GPM6A: variants seen among roughly 807,000 people sequenced by gnomAD.
The protein encoded by GPM6A is glycoprotein M6A.
A neutral mutation model predicts 32.1 loss-of-function variants in GPM6A; 7 were observed. The observed-to-expected ratio is 0.22, with a 90% confidence interval of 0.12 to 0.41. GPM6A has a LOEUF of 0.41. GPM6A is among the 10% of genes least tolerant of loss of function. The pLI is 1.00. For synonymous variants in GPM6A, 130 were observed against 123.4 expected (o/e 1.05, Z -0.35); for missense variants, 235 against 347.2 (o/e 0.68, Z 2.57).
In GPM6A at chr4:175,679,548, C is replaced by A. The variant is rs540802463; in HGVS notation, c.231-5712G>T. 4.6e-5 allele frequency among the ~76,000 whole-genome samples: 7 copies of A among 152,206 alleles called. No individual in the cohort carries two copies. In the East Asian group the frequency reaches 1.4e-3, roughly 29 times the overall value. On this transcript the variant is annotated intron_variant, in intron 2 of 6. Transcript: ENST00000393658. ...AAAACTTCTCCCCAATGTTAGCACC[C>A]CATCCAATGATGAGTATTGCCAGAC...
rs553174387 is a variant in GPM6A, at chr4:175,696,459, T to A, written c.230+5116A>T. ...ATTTCATATTGGTGTTTTGAGGTTT[T>A]TAAAAACACCCATTTGAGGAGTACT... On this transcript the variant is annotated intron_variant, in intron 2 of 6. Coordinates refer to ENST00000393658, the MANE Select transcript of GPM6A (RefSeq NM_201591.3). Among the ~76,000 whole-genome samples the A allele has an allele frequency of 3.9e-5, 6 of 152,304 alleles. No homozygotes were observed. The East Asian group carries it at 1.2e-3, about 29-fold the overall frequency.
intron 1 of GPM6A, among the ~76,000 whole-genome samples, chr4:175,992,062 A>ACGCACACG (rs533413071): frequency 7.0e-6 from 1 of 142,176 alleles, no homozygotes; most frequent in East Asian, 2.1e-4. Flanking sequence ...ACACACATGC[A>ACGCACACG]CACACACACA....
chr4:175,923,238 TATATATATAC>T (rs34213207), intron 1 of GPM6A, among the ~76,000 whole-genome samples: 62,578 of 107,576 alleles, frequency 0.58, 14,918 homozygotes, highest in East Asian at 0.69. Flanking sequence ...TATATATATA[TATATATATAC>T]ACAACATACA....
chr4:175,955,113 G>A lies in GPM6A; in HGVS notation c.-23+47196C>T, dbSNP rs77655685. Reference sequence around the variant, plus strand: ...CTGGAAGAAAAGTCCCTTGGCCTTCGCCACATAGATAATCCATGGCTGGAC... The same window carrying A: ...CTGGAAGAAAAGTCCCTTGGCCTTCACCACATAGATAATCCATGGCTGGAC... On this transcript the variant is annotated intron_variant, in intron 1 of 7. Coordinates refer to the GPM6A transcript ENST00000280187. Among the ~76,000 whole-genome samples, 751 of 152,286 alleles carry A rather than the reference G, an allele frequency of 4.9e-3. 9 individuals are homozygous for A. The highest frequency in any genetic ancestry group is 0.017 in the African/African-American group (706 of 41,552).
At chr4:175,880,263 A>C (rs1737227568) in intron 1 of GPM6A, among the ~76,000 whole-genome samples, 1 of 152,182 alleles carries the variant, frequency 6.6e-6, no homozygotes, top group Non-Finnish European at 1.5e-5. Flanking sequence ...TTTTGGTACC[A>C]GTACTATGCT....
At chr4:175,739,802 T>C (rs1361584305) in intron 1 of GPM6A, among the ~76,000 whole-genome samples, 1 of 152,108 alleles carries the variant, frequency 6.6e-6, no homozygotes, top group Admixed American at 6.6e-5. Context: ...AAGATTTTCT[T>C]CTGAAAAATG....
rs36105210 is a variant in GPM6A at position 175,711,409 on chromosome 4, AATATATATATATATATATATATAT to A, written c.38-9666_38-9643del. Among the ~76,000 whole-genome samples the A allele has an allele frequency of 1.2e-3, 66 of 53,296 alleles. 5 individuals carry two copies. The highest frequency in any genetic ancestry group is 4.8e-3 in the African/African-American group (57 of 11,978). The allele number at this position is 53,296 out of a possible 152,430, so 35.0% of individuals were successfully genotyped here. A position where few individuals can be genotyped will look rare whatever the true frequency, so the allele number is the denominator to read the frequency against. ...TTAAAAAGGGCACACTGGCACACCA[AATATATATATATATATATATATAT>A]ATATATATATATATATATATATATA... On this transcript the variant is annotated intron_variant, in intron 1 of 6. Coordinates refer to ENST00000393658, the MANE Select transcript of GPM6A (RefSeq NM_201591.3).
chr4:175,745,710 A>T (rs1237184551), intron 1 of GPM6A, among the ~76,000 whole-genome samples: 2 of 152,222 alleles, frequency 1.3e-5, no homozygotes, highest in East Asian at 3.8e-4. Context: ...GTGCAAAATA[A>T]CCAAATACAC....
chr4:175,724,219 T>A (rs866828971), intron 1 of GPM6A, among the ~76,000 whole-genome samples: 1 of 152,180 alleles, frequency 6.6e-6, no homozygotes, highest in Admixed American at 6.5e-5. Flanking sequence ...AAGACAAATA[T>A]CATGTGATCT....
intron 1 of GPM6A, among the ~76,000 whole-genome samples, chr4:175,746,148 A>C (rs1732094517): frequency 6.6e-6 from 1 of 152,166 alleles, no homozygotes; most frequent in South Asian, 2.1e-4. Context: ...ATTCATATGA[A>C]CAACAGCTTT....
chr4:175,846,459 A>T (rs1486506919), intron 1 of GPM6A, among the ~76,000 whole-genome samples: 1 of 152,090 alleles, frequency 6.6e-6, no homozygotes, highest in Admixed American at 6.6e-5. Flanking sequence ...TGGCTAATTT[A>T]TCTTTGTAAC....
intron 1 of GPM6A, among the ~76,000 whole-genome samples, chr4:175,897,203 G>C (rs908082996): frequency 6.6e-6 from 1 of 152,100 alleles, no homozygotes; most frequent in African/African-American, 2.4e-5. Context: ...GATGCTTGTG[G>C]TGTCCAGGGT....
At chr4:175,771,551 C>CA (rs889739577) in intron 1 of GPM6A, among the ~76,000 whole-genome samples, 9,156 of 65,912 alleles carry the variant, frequency 0.14, 553 homozygotes, top group African/African-American at 0.18. Flanking sequence ...GACTCTGTCT[C>CA]AAAAAAAAAA....
At chr4:175,714,548 C>T (rs1745733818) in intron 1 of GPM6A, among the ~76,000 whole-genome samples, 1 of 149,052 alleles carries the variant, frequency 6.7e-6, no homozygotes, top group Non-Finnish European at 1.5e-5. Flanking sequence ...CATACCTGGT[C>T]ACCAAGACTT....
At chr4:175,741,825 T>A (rs2581752) in intron 1 of GPM6A, among the ~76,000 whole-genome samples, 39,364 of 151,964 alleles carry the variant, frequency 0.26, 5,177 homozygotes, top group Non-Finnish European at 0.27. Context: ...ACTTAATGTT[T>A]CTGGGATGTC....
intron 1 of GPM6A, among the ~76,000 whole-genome samples, chr4:175,975,822 C>A (rs893292583): frequency 2.0e-5 from 3 of 152,072 alleles, no homozygotes; most frequent in Non-Finnish European, 4.4e-5. Context: ...TATTAGTTAT[C>A]TATCAAGAAA....
At chr4:175,662,232 A>G (rs1428901397) in intron 3 of GPM6A, among the ~76,000 whole-genome samples, 2 of 152,104 alleles carry the variant, frequency 1.3e-5, no homozygotes, top group African/African-American at 2.4e-5. Context: ...TGATTACAGG[A>G]GCACACCCTC....
chr4:175,870,105 T>C (rs928173973), intron 1 of GPM6A, among the ~76,000 whole-genome samples: 8 of 152,224 alleles, frequency 5.3e-5, no homozygotes, highest in African/African-American at 1.7e-4. Context: ...CATAGTAGTA[T>C]AGTGTGATTA....
At chr4:175,728,747 C>T (rs914437759) in intron 1 of GPM6A, among the ~76,000 whole-genome samples, 2 of 152,138 alleles carry the variant, frequency 1.3e-5, no homozygotes, top group South Asian at 2.1e-4. Flanking sequence ...TTGCATTTCC[C>T]CTAGCCCTTC....
Sources: gnomAD v4.1 joint callset for allele counts (sites outside exome capture counted in the v4.1 genomes callset) on GRCh38, gnomAD v4.1.1 for gene constraint, MANE v1.5 for transcripts, NCBI Gene and HGNC (gene_info 2026-07-23, HGNC 2026-07-21) for gene names.